Variants in RARB observed in about 807,000 individuals in gnomAD.
The protein encoded by RARB is HBV-activated protein.
In RARB, 17 loss-of-function variants were observed where a neutral mutation model predicts 51.9. The observed-to-expected ratio is 0.33, with a 90% CI of 0.22 to 0.49. The LOEUF is 0.49. Ranked by LOEUF, RARB falls within the 20% of genes least tolerant of loss-of-function variation. The pLI is 0.99. For missense variants in RARB, 369 were observed against 550.8 expected (o/e 0.67, Z 3.30); for synonymous variants, 215 against 195.4 (o/e 1.10, Z -0.84).
At chr3:25,250,507 GC>G (rs1702685561) in intron 5 of RARB, among the ~76,000 whole-genome samples, 1 of 152,168 alleles carries the variant, frequency 6.6e-6, no homozygotes, top group Non-Finnish European at 1.5e-5. Context: ...GGGCAGGATA[GC>G]ATCTCATGGC....
At chr3:24,862,825 A>C (rs1014429386) in intron 2 of RARB, among the ~76,000 whole-genome samples, 13 of 152,306 alleles carry the variant, frequency 8.5e-5, no homozygotes, top group Middle Eastern at 3.4e-3. Flanking sequence ...GGCAGCCTAG[A>C]GTTACAAACT....
At chr3:25,500,454 GT>G (rs753321842) in intron 2 of RARB, among the ~76,000 whole-genome samples, 431 of 66,084 alleles carry the variant, frequency 6.5e-3, no homozygotes, top group African/African-American at 0.019. Context: ...TTCTTTTCTT[GT>G]TTTTTTTTTT....
intron 2 of RARB, among the ~76,000 whole-genome samples, chr3:24,986,376 A>C (rs1380568372): frequency 1.3e-5 from 2 of 152,238 alleles, no homozygotes; most frequent in East Asian, 3.8e-4. Flanking sequence ...AGTATCAGGC[A>C]GACATAGATT....
chr3:25,290,396 T>A (rs1016796227), intron 5 of RARB, among the ~76,000 whole-genome samples: 1 of 152,016 alleles, frequency 6.6e-6, no homozygotes, highest in Admixed American at 6.6e-5. Flanking sequence ...GAAGCAACCC[T>A]CCTGGCACCT....
intron 4 of RARB, among the ~76,000 whole-genome samples, chr3:25,576,380 C>T (rs113544076): frequency 1.2e-4 from 18 of 152,310 alleles, no homozygotes; most frequent in East Asian, 7.7e-4. Flanking sequence ...AGAAGGCATT[C>T]GTGGCCCCTT....
At chr3:25,251,100 G>C (rs1038339321) in intron 5 of RARB, among the ~76,000 whole-genome samples, 3 of 152,090 alleles carry the variant, frequency 2.0e-5, no homozygotes, top group African/African-American at 7.2e-5. Context: ...GGAGGAGTGA[G>C]TACCACATTC....
At chr3:25,315,142 A>C (rs1284939169) in intron 5 of RARB, among the ~76,000 whole-genome samples, 1 of 152,168 alleles carries the variant, frequency 6.6e-6, no homozygotes, top group Non-Finnish European at 1.5e-5. Flanking sequence ...AAAAATTCTT[A>C]AGAGTACGGG....
At chr3:25,578,962 A>C (rs1701060317) in intron 4 of RARB, among the ~76,000 whole-genome samples, 1 of 152,250 alleles carries the variant, frequency 6.6e-6, no homozygotes, top group South Asian at 2.1e-4. Context: ...TAAATTACAA[A>C]TATCTCATCA....
chr3:25,455,899 G>C (rs1694881252), intron 1 of RARB, among the ~76,000 whole-genome samples: 1 of 152,182 alleles, frequency 6.6e-6, no homozygotes, highest in Non-Finnish European at 1.5e-5. Context: ...GAGACAAAAA[G>C]CAGATCCGAA....
intron 5 of RARB, among the ~76,000 whole-genome samples, chr3:25,216,633 G>A (rs1701838926): frequency 6.6e-6 from 1 of 151,970 alleles, no homozygotes; most frequent in Non-Finnish European, 1.5e-5. Context: ...GTCAGTAGGT[G>A]CAGCGAAGCA....
intron 3 of RARB, among the ~76,000 whole-genome samples, chr3:25,507,185 A>C (rs560754806): frequency 7.9e-5 from 12 of 152,360 alleles, no homozygotes; most frequent in Admixed American, 4.6e-4. Context: ...CTTAAAAGGC[A>C]TGCATCATGT....
intron 4 of RARB, among the ~76,000 whole-genome samples, chr3:25,138,902 T>G (rs570681220): frequency 1.3e-5 from 2 of 152,170 alleles, no homozygotes; most frequent in Non-Finnish European, 2.9e-5. Context: ...TAGCACTGTT[T>G]CCAGCAGAAT....
chr3:25,074,775 C>T (rs938975629), intron 3 of RARB, among the ~76,000 whole-genome samples: 1 of 152,290 alleles, frequency 6.6e-6, no homozygotes, highest in South Asian at 2.1e-4. Flanking sequence ...CTACCAGCCT[C>T]ACTTTTGTAA....
intron 1 of RARB, among the ~76,000 whole-genome samples, chr3:25,434,545 T>C (rs4681062): frequency 0.17 from 21,137 of 126,542 alleles, 1,829 homozygotes; most frequent in South Asian, 0.27. Flanking sequence ...TTTTTTTTTT[T>C]CTTTTTTTTT....
intron 2 of RARB, among the ~76,000 whole-genome samples, chr3:24,923,500 CT>C (rs541704020): frequency 3.0e-4 from 44 of 149,146 alleles, no homozygotes; most frequent in African/African-American, 7.4e-4. Context: ...CTTTCTTTTT[CT>C]TTTTTTTTTC....
At chr3:25,179,207 A>G (rs1307603896) in intron 5 of RARB, among the ~76,000 whole-genome samples, 1 of 152,192 alleles carries the variant, frequency 6.6e-6, no homozygotes, top group Non-Finnish European at 1.5e-5. Context: ...AACTAAGAAG[A>G]GCTTTGTTAC....
At chr3:25,375,046 G>A (rs1020212123) in intron 5 of RARB, among the ~76,000 whole-genome samples, 5 of 141,628 alleles carry the variant, frequency 3.5e-5, no homozygotes, top group Non-Finnish European at 6.5e-5. Flanking sequence ...AACTTAAAGC[G>A]AGAGAAATAA....
At chr3:24,978,181 A>G (rs369823352) in intron 2 of RARB, among the ~76,000 whole-genome samples, 74 of 152,228 alleles carry the variant, frequency 4.9e-4, no homozygotes, top group African/African-American at 1.6e-3. Flanking sequence ...TTTTGCATCA[A>G]TGTTCAACAG....
At chr3:25,428,989 A>G in intron 1 of RARB, 101 bp downstream of exon 1, 1 of 1,358,926 alleles carries the variant, frequency 7.4e-7, no homozygotes, top group Non-Finnish European at 9.8e-7. Flanking sequence ...AGCAAGACAA[A>G]GGATTTAATG....
Sources: allele counts gnomAD v4.1 joint callset (sites outside exome capture counted in the v4.1 genomes callset), GRCh38; gene constraint gnomAD v4.1.1; transcripts MANE v1.5; gene names NCBI Gene and HGNC (gene_info 2026-07-23, HGNC 2026-07-21).